The following MTBP variants were observed in gnomAD, a reference collection of about 807,000 sequenced individuals.
MTBP encodes the protein mdm2-binding protein.
In MTBP, 101 loss-of-function variants were observed where a neutral mutation model predicts 117.0. That is an observed-to-expected ratio of 0.86 (90% confidence interval 0.73 to 1.02). MTBP has a LOEUF of 1.02. Among genes scored for constraint, MTBP ranks in the 50% least tolerant of loss-of-function variants. The pLI, the probability that MTBP is intolerant of heterozygous loss-of-function variation, is 0.00. For synonymous variants in MTBP, 350 were observed against 351.5 expected (o/e 1.00, Z 0.05); for missense variants, 970 against 1,030.9 (o/e 0.94, Z 0.81).
intron 13 of MTBP, among the ~76,000 whole-genome samples, chr8:120,492,730 T>A (rs186983343): frequency 9.8e-5 from 15 of 152,308 alleles, no homozygotes; most frequent in African/African-American, 3.6e-4. Flanking sequence ...CACTTTGTTT[T>A]TTAAAATAAC....
chr8:120,472,747 T>C (rs916141117), intron 11 of MTBP: 5 of 152,320 alleles, frequency 3.3e-5, no homozygotes, highest in African/African-American at 9.6e-5. Context: ...CCAGTCTTAC[T>C]TCTGTTACAT....
chr8:120,455,496 C>T lies in MTBP; in HGVS notation c.546C>T (p.Asp182=). The change falls in exon 6 of 22, where the codon GAC becomes GAT. Residue 182 remains aspartate (D), a synonymous_variant. Transcript: ENST00000305949. ...ACAAAGATCCTCCTAAATTGAAAGA[C>T]TATTTACCTACTGTAGGAGCATTAA... ...LSDKDPPKLK[D]YLPTVGALKH... 6.2e-7 allele frequency: 1 copy of T among 1,605,332 alleles called. No homozygotes were observed. The highest frequency in any genetic ancestry group is 8.5e-7 in the Non-Finnish European group (1 of 1,173,120).
chr8:120,509,797 G>A (rs1020767553), intron 16 of MTBP, 137 bp from the exon 17 acceptor site: 9 of 545,066 alleles, frequency 1.7e-5, no homozygotes, highest in Non-Finnish European at 2.9e-5. Context: ...ATACTTTCTG[G>A]TGTGCCTTAA....
At chr8:120,481,447 CA>C (rs1020309486) in intron 11 of MTBP, among the ~76,000 whole-genome samples, 6 of 99,432 alleles carry the variant, frequency 6.0e-5, no homozygotes, top group Admixed American at 1.1e-4. Context: ...GTGAAGAGAT[CA>C]TTTTTTTTTG....
At position 120,488,285 on chromosome 8, in the gene MTBP, A is replaced by G. The variant is rs200705006; in HGVS notation, c.1292A>G (p.Asn431Ser). ...CAGATCAATGGCTCATTTGCACTCAATTTAATTCATGGAAAGATGAAAACA... is the reference window on the plus strand; with the variant it reads ...CAGATCAATGGCTCATTTGCACTCAGTTTAATTCATGGAAAGATGAAAACA... ...ANQINGSFAL[N>S]LIHGKMKTKT... The change falls in exon 12 of 22, where the codon AAT becomes AGT. Residue 431 changes from asparagine to serine, a missense_variant. By Grantham distance (46) the Asn-to-Ser change is conservative. Coordinates refer to ENST00000305949, the MANE Select transcript of MTBP (RefSeq NM_022045.5). 1.1e-4 allele frequency: 176 copies of G among 1,571,422 alleles called. No homozygotes were observed. The highest frequency in any genetic ancestry group is 3.3e-4 in the Middle Eastern group (2 of 6,000).
At chr8:120,449,542 T>G (rs1355335141) in intron 2 of MTBP, among the ~76,000 whole-genome samples, 1 of 152,134 alleles carries the variant, frequency 6.6e-6, no homozygotes, top group Admixed American at 6.5e-5. Flanking sequence ...AACCCAATTA[T>G]TTTTGCACCA....
At chr8:120,495,250 C>T (rs186601384) in intron 13 of MTBP, among the ~76,000 whole-genome samples, 160 of 152,246 alleles carry the variant, frequency 1.1e-3, no homozygotes, top group Non-Finnish European at 1.9e-3. Flanking sequence ...TTCAATGATA[C>T]TACTTCATTG....
Position 120,522,673 on chromosome 8 carries a change from G to T in MTBP, c.2630G>T (p.Gly877Val), listed in dbSNP as rs754804291. 1.1e-5 allele frequency: 17 copies of T among 1,605,246 alleles called. No homozygotes were observed. The highest frequency in any genetic ancestry group is 1.4e-5 in the Non-Finnish European group (16 of 1,174,076). The stretch of plus-strand genomic sequence containing the variant: ...GTTTAGGATCTTAAAACTTCAAGGG[G>T]TCTATTTGAAGAAATGAAGAAAACA... ...FYLKDLKTSR[G>V]LFEEMKKTAN... The change falls in exon 21 of 22, where the codon GGT becomes GTT. Residue 877 changes from glycine to valine, a missense_variant. Gly to Val is a moderately radical substitution (Grantham distance 109). Transcript: ENST00000305949.
intron 14 of MTBP, among the ~76,000 whole-genome samples, chr8:120,498,746 A>G (rs996707612): frequency 1.3e-5 from 2 of 152,168 alleles, no homozygotes; most frequent in Non-Finnish European, 2.9e-5. Flanking sequence ...TGAATGATGC[A>G]TAAGATCTGG....
At chr8:120,503,513 G>A (rs957442560) in intron 15 of MTBP, among the ~76,000 whole-genome samples, 4 of 152,270 alleles carry the variant, frequency 2.6e-5, no homozygotes, top group South Asian at 4.1e-4. Context: ...CTTAGAGGAC[G>A]TTACATTTGA....
Position 120,523,475 on chromosome 8 carries a change from A to C in MTBP, c.*139A>C. The C allele has an allele frequency of 2.2e-6, 1 of 459,142 alleles. No homozygotes were observed. The highest frequency in any genetic ancestry group is 3.8e-6 in the Non-Finnish European group (1 of 259,958). The allele number at this position is 459,142 out of a possible 1,614,324, so 28.4% of individuals were successfully genotyped here. A position where few individuals can be genotyped will look rare whatever the true frequency, so the allele number is the denominator to read the frequency against. ...GTTATATTTCTAAAGAATTTCATGA[A>C]TATATATTCTATATTTGTATAGTTT... is the stretch of plus-strand genomic sequence containing the variant. On this transcript the variant is annotated 3_prime_UTR_variant, in exon 22 of 22. Coordinates refer to ENST00000305949, the MANE Select transcript of MTBP (RefSeq NM_022045.5).
chr8:120,484,465 C>T (rs1436411482), intron 11 of MTBP, among the ~76,000 whole-genome samples: 1 of 151,752 alleles, frequency 6.6e-6, no homozygotes, highest in East Asian at 1.9e-4. Context: ...AATTACAGTA[C>T]TTTCTTAGTA....
chr8:120,523,210 A>G, intron 21 of MTBP, 88 bp from the exon 22 acceptor site: 3 of 861,294 alleles, frequency 3.5e-6, no homozygotes, highest in Non-Finnish European at 5.6e-6. Flanking sequence ...ATTTTCTACC[A>G]TGTTCTTTTG....
intron 17 of MTBP, among the ~76,000 whole-genome samples, chr8:120,510,281 G>A (rs1459796765): frequency 6.6e-6 from 1 of 151,856 alleles, no homozygotes; most frequent in Admixed American, 6.6e-5. Flanking sequence ...AATTGTTTTG[G>A]TCCCTATGTT....
At chr8:120,473,536 T>C (rs758785631) in intron 11 of MTBP, 1 of 152,126 alleles carries the variant, frequency 6.6e-6, no homozygotes, top group Non-Finnish European at 1.5e-5. Flanking sequence ...AGGACAATAA[T>C]TATAAGTCTG....
rs1052964988 is a variant in MTBP at position 120,518,067 on chromosome 8, A to G, written c.2463A>G (p.Gln821=). The change falls in exon 19 of 22, where the codon CAA becomes CAG. Residue 821 remains glutamine, a synonymous_variant. Transcript: ENST00000305949. ...KSMHESKTSR[Q]IKESRSQKHT... ...TGCATGAATCAAAAACATCAAGGCA[A>G]ATTAAGGAATCAAGATCACAGAAAC... The G allele has an allele frequency of 1.9e-6, 3 of 1,612,618 alleles. No homozygotes were observed. The highest frequency in any genetic ancestry group is 1.1e-5 in the South Asian group (1 of 91,006).
chr8:120,485,168 TGGA>T (rs1411221748), intron 11 of MTBP, among the ~76,000 whole-genome samples: 1 of 152,138 alleles, frequency 6.6e-6, no homozygotes, highest in African/African-American at 2.4e-5. Context: ...AATCTAGGAG[TGGA>T]ATTGCTGGGC....
At chr8:120,458,355 A>G (rs184603399) in intron 7 of MTBP, among the ~76,000 whole-genome samples, 3 of 152,294 alleles carry the variant, frequency 2.0e-5, no homozygotes, top group Admixed American at 2.0e-4. Flanking sequence ...TTCCTATCGC[A>G]TAGATTTTTG....
At chr8:120,445,671 A>G (rs2130496128) in intron 1 of MTBP, 83 bp downstream of exon 1, 2 of 1,114,856 alleles carry the variant, frequency 1.8e-6, no homozygotes, top group East Asian at 4.8e-5. Flanking sequence ...TCTGCTGAAG[A>G]GGGATCAATA....
Sources: gnomAD v4.1 joint callset for allele counts (sites outside exome capture counted in the v4.1 genomes callset) on GRCh38, gnomAD v4.1.1 for gene constraint, MANE v1.5 for transcripts, NCBI Gene and HGNC (gene_info 2026-07-23, HGNC 2026-07-21) for gene names.